TMEM150C: variants seen among roughly 807,000 people sequenced by gnomAD.
The protein encoded by TMEM150C is transmembrane protein 150C.
In TMEM150C, 10 loss-of-function variants were observed where a neutral mutation model predicts 29.9. That is an observed-to-expected ratio of 0.33 (90% CI 0.21 to 0.57). The LOEUF (loss-of-function observed/expected upper bound fraction) is 0.57. TMEM150C is among the 20% of genes least tolerant of loss of function. The pLI is 0.88. For missense variants in TMEM150C, 251 were observed against 303.6 expected, an observed-to-expected ratio of 0.83 and a Z score of 1.29; for synonymous variants, 101 against 112.5, an observed-to-expected ratio of 0.90 and a Z score of 0.64.
At chr4:82,514,994 T>G (rs1724247076) in intron 1 of TMEM150C, among the ~76,000 whole-genome samples, 1 of 152,246 alleles carries the variant, frequency 6.6e-6, no homozygotes, top group South Asian at 2.1e-4. Flanking sequence ...CTCTGTTAAT[T>G]GAAGCCCAAA....
At position 82,485,228 on chromosome 4, in the gene TMEM150C, G is replaced by A. The variant is rs1160234526; in HGVS notation, c.*283C>T. On this transcript the variant is annotated 3_prime_UTR_variant, in exon 8 of 8. Transcript: ENST00000449862. Reference sequence around the variant, plus strand: ...ACATGTGGAGAGAATGGGAAGAGGAGGGAGTGCTGGGAAGGGGACGGATAA... The same window carrying A: ...ACATGTGGAGAGAATGGGAAGAGGAAGGAGTGCTGGGAAGGGGACGGATAA... 8.5e-6 allele frequency: 3 copies of A among 354,898 alleles called. No homozygotes were observed. The highest frequency in any genetic ancestry group is 1.6e-5 in the Non-Finnish European group (3 of 189,738). 22.0% of individuals were successfully genotyped at this position (354,898 alleles called of 1,614,324 possible).
chr4:82,509,491 G>C (rs1724047524), intron 1 of TMEM150C, among the ~76,000 whole-genome samples: 1 of 151,894 alleles, frequency 6.6e-6, no homozygotes, highest in Admixed American at 6.6e-5. Context: ...TGAAAAGGGG[G>C]TCTTTATAAA....
At chr4:82,527,524 C>A (rs1310925554) in intron 1 of TMEM150C, among the ~76,000 whole-genome samples, 1 of 152,166 alleles carries the variant, frequency 6.6e-6, no homozygotes, top group East Asian at 1.9e-4. Context: ...AGGACACTCA[C>A]ACCATCAAGG....
At chr4:82,544,775 CA>C (rs149817695) in intron 1 of TMEM150C, among the ~76,000 whole-genome samples, 1 of 134,634 alleles carries the variant, frequency 7.4e-6, no homozygotes, top group Non-Finnish European at 1.5e-5. Context: ...TAAGACTATG[CA>C]AAAAAAAACT....
At chr4:82,506,848 T>C (rs1228752373) in intron 1 of TMEM150C, among the ~76,000 whole-genome samples, 1 of 151,886 alleles carries the variant, frequency 6.6e-6, no homozygotes, top group African/African-American at 2.4e-5. Context: ...AAAATAGGAG[T>C]GATGATTGAG....
intron 5 of TMEM150C, among the ~76,000 whole-genome samples, chr4:82,499,021 C>T (rs1723644725): frequency 6.6e-6 from 1 of 152,176 alleles, no homozygotes. Context: ...CATTATTAAT[C>T]AGATCAGGGG....
intron 1 of TMEM150C, among the ~76,000 whole-genome samples, chr4:82,522,245 G>A (rs1578139515): frequency 6.6e-6 from 1 of 152,124 alleles, no homozygotes; most frequent in Admixed American, 6.5e-5. Context: ...GGCCAGTCCT[G>A]GTTATCTCAC....
chr4:82,491,446 G>A lies in TMEM150C; in HGVS notation c.364-1208C>T, dbSNP rs528131783. 47 of 685,982 alleles carry A rather than the reference G, an allele frequency of 6.9e-5. No homozygotes were observed. In the African/African-American group the frequency reaches 7.9e-4, roughly 12 times the overall value. The allele number at this position is 685,982 out of a possible 1,614,324, so 42.5% of individuals were successfully genotyped here. ...TTATAGAGGATGGCTGTCTGCCACTGCAACCTGATATAGCGGGGCAATTTC... is the reference window on the plus strand; with the variant it reads ...TTATAGAGGATGGCTGTCTGCCACTACAACCTGATATAGCGGGGCAATTTC... On this transcript the variant is annotated intron_variant, in intron 6 of 7. Coordinates refer to ENST00000449862, the MANE Select transcript of TMEM150C (RefSeq NM_001080506.3).
At chr4:82,539,015 T>A (rs1725111128) in intron 1 of TMEM150C, among the ~76,000 whole-genome samples, 1 of 152,118 alleles carries the variant, frequency 6.6e-6, no homozygotes, top group Admixed American at 6.6e-5. Context: ...TGCAGTGAGC[T>A]GAGATCACGC....
At chr4:82,555,618 A>G (rs1725712165) in intron 1 of TMEM150C, among the ~76,000 whole-genome samples, 1 of 152,128 alleles carries the variant, frequency 6.6e-6, no homozygotes, top group Non-Finnish European at 1.5e-5. Flanking sequence ...ATGCTCTACA[A>G]TTTTTGAGCC....
intron 1 of TMEM150C, among the ~76,000 whole-genome samples, chr4:82,514,660 A>G (rs1428568614): frequency 6.6e-6 from 1 of 152,182 alleles, no homozygotes; most frequent in East Asian, 1.9e-4. Context: ...TGTCAGAGGA[A>G]TAGCTAGGCA....
chr4:82,511,064 C>G (rs1724107555), intron 1 of TMEM150C, among the ~76,000 whole-genome samples: 1 of 152,136 alleles, frequency 6.6e-6, no homozygotes, highest in South Asian at 2.1e-4. Context: ...CACACTTGTT[C>G]TGCTAACAAA....
intron 1 of TMEM150C, among the ~76,000 whole-genome samples, chr4:82,544,437 T>C (rs990376859): frequency 6.6e-6 from 1 of 152,212 alleles, no homozygotes; most frequent in East Asian, 1.9e-4. Context: ...CAGAAGGCCC[T>C]GCCCACCTGA....
At chr4:82,550,745 G>A (rs886734115) in intron 1 of TMEM150C, among the ~76,000 whole-genome samples, 12 of 151,048 alleles carry the variant, frequency 7.9e-5, no homozygotes, top group African/African-American at 2.7e-4. Flanking sequence ...AGCCGAGATC[G>A]CACCACTGCA....
chr4:82,494,589 A>T (rs894248743), intron 6 of TMEM150C, among the ~76,000 whole-genome samples: 3 of 152,160 alleles, frequency 2.0e-5, no homozygotes, highest in Admixed American at 6.6e-5. Context: ...ACGAAAAAAA[A>T]GTATAAACCA....
At chr4:82,558,362 T>A (rs1413704850) in intron 1 of TMEM150C, among the ~76,000 whole-genome samples, 1 of 152,216 alleles carries the variant, frequency 6.6e-6, no homozygotes, top group Non-Finnish European at 1.5e-5. Context: ...ATGCAGAAAG[T>A]TCTTTTGGAC....
At chr4:82,548,478 G>A (rs6814727) in intron 1 of TMEM150C, among the ~76,000 whole-genome samples, 4,273 of 152,206 alleles carry the variant, frequency 0.028, 200 homozygotes, top group African/African-American at 0.097. Context: ...GTTGTGGAAT[G>A]AAGGGTCCCA....
chr4:82,538,277 C>T (rs928257721), intron 1 of TMEM150C, among the ~76,000 whole-genome samples: 15 of 152,140 alleles, frequency 9.9e-5, no homozygotes, highest in Non-Finnish European at 1.2e-4. Flanking sequence ...AGGCTGATCT[C>T]GAACTCCTGA....
At position 82,559,286 on chromosome 4, in the gene TMEM150C, T is replaced by C. The variant is rs116090746; in HGVS notation, c.-11+2620A>G. ...GGGGCTGGGCACAGTGGCTCCTGGC[T>C]GTATTCCCAGCACTTTGGGAGGCCG... On this transcript the variant is annotated intron_variant, in intron 1 of 7. Coordinates refer to ENST00000449862, the MANE Select transcript of TMEM150C (RefSeq NM_001080506.3). 4.1e-3 allele frequency among the ~76,000 whole-genome samples: 627 copies of C among 152,154 alleles called. 7 individuals are homozygous for C. The highest frequency in any genetic ancestry group is 0.014 in the African/African-American group (599 of 41,484).
Sources: allele counts gnomAD v4.1 joint callset (sites outside exome capture counted in the v4.1 genomes callset), GRCh38; gene constraint gnomAD v4.1.1; transcripts MANE v1.5; gene names NCBI Gene and HGNC (gene_info 2026-07-23, HGNC 2026-07-21).